The following KIAA1217 variants were observed in gnomAD, a reference collection of about 807,000 sequenced individuals.
KIAA1217 encodes the protein KIAA1217.
KIAA1217 carries 88 observed loss-of-function variants against 163.9 expected under a neutral mutation model. That is an observed-to-expected ratio of 0.54 (90% CI 0.45 to 0.64). The LOEUF (loss-of-function observed/expected upper bound fraction) is 0.64. KIAA1217 is among the 30% of genes least tolerant of loss of function. The pLI is 0.00. For missense variants in KIAA1217, 2,372 were observed against 2,475.0 expected, an observed-to-expected ratio of 0.96 and a Z score of 0.88; for synonymous variants, 903 against 923.1, an observed-to-expected ratio of 0.98 and a Z score of 0.39.
chr10:23,968,626 C>T (rs576970564), intron 1 of KIAA1217, among the ~76,000 whole-genome samples: 1 of 152,274 alleles, frequency 6.6e-6, no homozygotes, highest in East Asian at 1.9e-4. Context: ...GGTTACTTCC[C>T]ATTACCACCC....
chr10:23,892,096 A>G (rs1841442074), intron 1 of KIAA1217, among the ~76,000 whole-genome samples: 2 of 151,992 alleles, frequency 1.3e-5, no homozygotes, highest in South Asian at 4.1e-4. Flanking sequence ...CACACACTAT[A>G]TATTTCATAT....
chr10:23,792,138 GC>G, intron 1 of KIAA1217, among the ~76,000 whole-genome samples: 1 of 152,290 alleles, frequency 6.6e-6, no homozygotes, highest in African/African-American at 2.4e-5. Context: ...TTTTATCTTT[GC>G]AAGCCAGGAC....
chr10:24,155,860 G>T (rs901524817), intron 2 of KIAA1217, among the ~76,000 whole-genome samples: 1 of 152,042 alleles, frequency 6.6e-6, no homozygotes, highest in Non-Finnish European at 1.5e-5. Flanking sequence ...AACTGTCTCT[G>T]GGGATCATTT....
intron 1 of KIAA1217, among the ~76,000 whole-genome samples, chr10:23,739,916 G>T (rs542656127): frequency 6.6e-6 from 1 of 152,332 alleles, no homozygotes; most frequent in Non-Finnish European, 1.5e-5. Flanking sequence ...TTAGATGCCA[G>T]GTGAAAGAGA....
At chr10:24,380,512 C>A (rs902768639) in intron 2 of KIAA1217, among the ~76,000 whole-genome samples, 1 of 151,954 alleles carries the variant, frequency 6.6e-6, no homozygotes, top group Non-Finnish European at 1.5e-5. Context: ...CATGTTGGGG[C>A]ACACCTGTAG....
At chr10:23,990,609 C>G (rs1380140178) in intron 1 of KIAA1217, among the ~76,000 whole-genome samples, 1 of 152,118 alleles carries the variant, frequency 6.6e-6, no homozygotes, top group African/African-American at 2.4e-5. Context: ...TTTAGGAAAG[C>G]ATGCACTTTG....
At chr10:24,529,655 C>A (rs2072803916) in intron 14 of KIAA1217, among the ~76,000 whole-genome samples, 1 of 152,044 alleles carries the variant, frequency 6.6e-6, no homozygotes, top group Non-Finnish European at 1.5e-5. Flanking sequence ...TGCTAAGAGG[C>A]TTTTCTTACA....
At chr10:23,742,083 A>G (rs2130812560) in intron 1 of KIAA1217, among the ~76,000 whole-genome samples, 1 of 152,306 alleles carries the variant, frequency 6.6e-6, no homozygotes, top group African/African-American at 2.4e-5. Flanking sequence ...AAGCAATGGG[A>G]CTTGGACTGA....
At chr10:23,947,477 T>C (rs558051587) in intron 1 of KIAA1217, among the ~76,000 whole-genome samples, 59 of 152,224 alleles carry the variant, frequency 3.9e-4, no homozygotes, top group Non-Finnish European at 7.1e-4. Context: ...TAGCCGGTCC[T>C]ATACATTTCA....
At chr10:24,154,384 G>A (rs1490667668) in intron 2 of KIAA1217, among the ~76,000 whole-genome samples, 1 of 150,092 alleles carries the variant, frequency 6.7e-6, no homozygotes, top group Non-Finnish European at 1.5e-5. Context: ...CTGTGATCAC[G>A]CCACTGCACT....
intron 1 of KIAA1217, among the ~76,000 whole-genome samples, chr10:23,733,953 C>G (rs1838634474): frequency 6.6e-6 from 1 of 152,056 alleles, no homozygotes; most frequent in African/African-American, 2.4e-5. Flanking sequence ...TTCAGTATAT[C>G]TATATATTCC....
At chr10:24,340,318 T>C (rs574636020) in intron 2 of KIAA1217, among the ~76,000 whole-genome samples, 5 of 152,258 alleles carry the variant, frequency 3.3e-5, no homozygotes, top group African/African-American at 1.2e-4. Flanking sequence ...GCTTCTCCCA[T>C]ACAGTTCTCC....
At chr10:24,318,642 A>G (rs1431415487) in intron 2 of KIAA1217, among the ~76,000 whole-genome samples, 1 of 151,414 alleles carries the variant, frequency 6.6e-6, no homozygotes, top group African/African-American at 2.4e-5. Flanking sequence ...TACAATTACC[A>G]GTGGGATGTG....
At chr10:24,440,067 G>A (rs1564683625) in intron 5 of KIAA1217, among the ~76,000 whole-genome samples, 1 of 152,158 alleles carries the variant, frequency 6.6e-6, no homozygotes, top group Non-Finnish European at 1.5e-5. Flanking sequence ...ACGACATTGT[G>A]GGATCAGAGC....
chr10:24,533,673 A>G (rs774987511), intron 16 of KIAA1217, among the ~76,000 whole-genome samples: 15 of 152,346 alleles, frequency 9.8e-5, no homozygotes, highest in Non-Finnish European at 1.8e-4. Flanking sequence ...CTCAAGGCCA[A>G]TGACTGGCCT....
intron 1 of KIAA1217, among the ~76,000 whole-genome samples, chr10:23,872,078 A>G (rs550022924): frequency 6.6e-6 from 1 of 152,154 alleles, no homozygotes; most frequent in African/African-American, 2.4e-5. Flanking sequence ...CCATTTGGGG[A>G]AAAAACACTC....
chr10:24,048,657 G>T (rs1037261955), intron 2 of KIAA1217, among the ~76,000 whole-genome samples: 1 of 151,810 alleles, frequency 6.6e-6, no homozygotes, highest in Non-Finnish European at 1.5e-5. Context: ...TTGAATCTGG[G>T]AGGCAGAGGT....
intron 1 of KIAA1217, among the ~76,000 whole-genome samples, chr10:23,745,439 A>G (rs919334297): frequency 1.3e-5 from 2 of 152,174 alleles, no homozygotes; most frequent in African/African-American, 2.4e-5. Context: ...TCCTAGGCAT[A>G]AATTGGGCAT....
intron 1 of KIAA1217, among the ~76,000 whole-genome samples, chr10:23,852,866 G>A (rs1839428435): frequency 6.6e-6 from 1 of 152,158 alleles, no homozygotes; most frequent in Non-Finnish European, 1.5e-5. Flanking sequence ...CATTGATTTT[G>A]TATCCTGAGA....
Sources: gnomAD v4.1 joint callset for allele counts (sites outside exome capture counted in the v4.1 genomes callset) on GRCh38, gnomAD v4.1.1 for gene constraint, MANE v1.5 for transcripts, NCBI Gene and HGNC (gene_info 2026-07-23, HGNC 2026-07-21) for gene names.